HMCN2: variants seen among roughly 807,000 people sequenced by gnomAD.
HMCN2 encodes the protein hemicentin 2.
A neutral mutation model predicts 377.5 loss-of-function variants in HMCN2; 325 were observed. The observed-to-expected ratio is 0.86, with a 90% CI of 0.79 to 0.94. The LOEUF (loss-of-function observed/expected upper bound fraction) is 0.94, where lower values mean the gene tolerates loss of function less well. Among genes scored for constraint, HMCN2 ranks in the 40% least tolerant of loss-of-function variants. HMCN2 has a pLI of 0.00. For synonymous variants in HMCN2, 2,007 were observed against 2,046.8 expected, an observed-to-expected ratio of 0.98 and a Z score of 0.53; for missense variants, 4,543 against 4,725.3, an observed-to-expected ratio of 0.96 and a Z score of 1.13.
At chr9:130,320,087 ACT>A (rs1292589319) in intron 16 of HMCN2, among the ~76,000 whole-genome samples, 7 of 152,320 alleles carry the variant, frequency 4.6e-5, no homozygotes, top group Admixed American at 2.0e-4. Context: ...AAGGGCGGGC[ACT>A]TTGTCAACCC....
In HMCN2 at chr9:130,289,670, C is replaced by A. The variant is rs112297397; in HGVS notation, c.612+3360C>A. ...ACGATGGCTAAATGCCATCCCACCC[C>A]CCCGTGCTTCAATGTGGAGCCCAGG... On this transcript the variant is annotated intron_variant, in intron 4 of 97. Coordinates refer to ENST00000683500, the MANE Select transcript of HMCN2 (RefSeq NM_001291815.2). Among the ~76,000 whole-genome samples the A allele has an allele frequency of 3.9e-3, 595 of 152,284 alleles. 6 individuals carry two copies. Among genetic ancestry groups the A allele is most frequent in the African/African-American group, 0.013 (551 of 41,550 alleles).
rs781842496 is a variant in HMCN2, at chr9:130,310,037, G to A, written c.2326G>A (p.Ala776Thr). Reference sequence around the variant, plus strand: ...TGTCAATGAGTTGGGTGACGCCTCTGCAGAAATCCAGCTGGCGGTTGGACG... The same window carrying A: ...TGTCAATGAGTTGGGTGACGCCTCTACAGAAATCCAGCTGGCGGTTGGACG... ...RAVNELGDAS[A>T]EIQLAVGHAP... The change falls in exon 15 of 98, where the codon GCA becomes ACA. Residue 776 changes from alanine (A) to threonine (T), a missense_variant. By Grantham distance (58) the Ala-to-Thr change is moderately conservative (BLOSUM62 0). Transcript: ENST00000683500. The A allele has an allele frequency of 1.3e-5, 7 of 533,352 alleles. No individual in the cohort carries two copies. The highest frequency in any genetic ancestry group is 5.8e-5 in the Admixed American group (3 of 51,446). The allele number at this position is 533,352 out of a possible 1,614,324, so 33.0% of individuals were successfully genotyped here.
Position 130,383,129 on chromosome 9 carries a change from G to A in HMCN2, c.8733+263G>A, listed in dbSNP as rs528919724. Among the ~76,000 whole-genome samples, 146 of 152,250 alleles carry A rather than the reference G, an allele frequency of 9.6e-4. 1 individual carries two copies. In the Middle Eastern group the frequency reaches 0.014, roughly 14 times the overall value. ...CCAGCACCGCACACAGCAGCCTTCC[G>A]CGGGATCACCAGCTGGCGCGTGCAG... On this transcript the variant is annotated intron_variant, in intron 56 of 97. Transcript: ENST00000683500.
chr9:130,395,874 ACGCAG>A, intron 71 of HMCN2, 45 bp from the exon 72 acceptor site: 1 of 1,247,448 alleles, frequency 8.0e-7, no homozygotes, highest in South Asian at 1.3e-5. Context: ...GGGTGGCCTG[ACGCAG>A]CTGGGCACTG....
intron 4 of HMCN2, among the ~76,000 whole-genome samples, chr9:130,286,616 C>G (rs115065846): frequency 6.6e-6 from 1 of 152,234 alleles, no homozygotes; most frequent in Non-Finnish European, 1.5e-5. Flanking sequence ...TTGGGATGGC[C>G]TGGGTTCAGC....
rs572500281 is a variant in HMCN2, at chr9:130,363,755, AGAG to A, written c.6232+767_6232+769del. On this transcript the variant is annotated intron_variant, in intron 40 of 97. Coordinates refer to ENST00000683500, the MANE Select transcript of HMCN2 (RefSeq NM_001291815.2). ...GGAGAATCACTTGAACCTGGGAGGT[AGAG>A]GTTGCAGTGAGCTGAGATCATGTCA... Among the ~76,000 whole-genome samples the A allele has an allele frequency of 1.0e-4, 15 of 149,870 alleles. No homozygotes were observed. The East Asian group carries it at 3.0e-3, about 30-fold the overall frequency.
chr9:130,356,415 G>GAGAGGCTGGCCGGGCC (rs2131545705), intron 34 of HMCN2, 158 bp downstream of exon 34: 1 of 491,564 alleles, frequency 2.0e-6, no homozygotes, highest in Non-Finnish European at 2.6e-6. Flanking sequence ...ACGCAGGTGT[G>GAGAGGCTGGCCGGGCC]AGAGGCTGGC....
Position 130,433,687 on chromosome 9 carries a change from C to T in HMCN2, c.15234C>T (p.Pro5078=). ...FVLLIAVSPY[P]Y ...TGCTCATCGCCGTGTCCCCCTACCC[C>T]TACTAAACGGGAGAGGGCATTGGCG... is the stretch of plus-strand genomic sequence containing the variant. Residue 5078 remains proline (P), a synonymous_variant, in exon 98 of 98, where the codon CCC becomes CCT. Coordinates refer to ENST00000683500, the MANE Select transcript of HMCN2 (RefSeq NM_001291815.2). 3 of 1,481,804 alleles carry T rather than the reference C, an allele frequency of 2.0e-6. No individual in the cohort carries two copies. The highest frequency in any genetic ancestry group is 2.7e-6 in the Non-Finnish European group (3 of 1,120,180). The allele number at this position is 1,481,804 out of a possible 1,614,324, so 91.8% of individuals were successfully genotyped here.
chr9:130,366,075 AC>A lies in HMCN2; in HGVS notation c.6625+84del. On this transcript the variant is annotated intron_variant, in intron 43 of 97. Coordinates refer to ENST00000683500, the MANE Select transcript of HMCN2 (RefSeq NM_001291815.2). ...TGCCCAGTCCCCACTGGTTACCCCC[AC>A]CCCAGAGCCTAGCTGAGATGGGGGG... 4.2e-6 allele frequency: 4 copies of A among 959,132 alleles called. No homozygotes were observed. The South Asian group carries it at 1.9e-4, about 46-fold the overall frequency. The allele number at this position is 959,132 out of a possible 1,614,324, so 59.4% of individuals were successfully genotyped here.
intron 82 of HMCN2, chr9:130,406,868 C>T (rs1347018745): frequency 6.5e-6 from 1 of 154,086 alleles, no homozygotes; most frequent in African/African-American, 2.4e-5. Flanking sequence ...CAGGCCTGGC[C>T]CGGAGTAGAT....
rs780411138 is a variant in HMCN2, at chr9:130,429,587, A to G, written c.14228A>G (p.Asp4743Gly). The stretch of plus-strand genomic sequence containing the variant: ...GACGAATGCCTGGAGGGGTTGGACG[A>G]CTGTCACTACAACCAGCTCTGCGAG... ...DVDECLEGLD[D>G]CHYNQLCENT... Residue 4743 changes from aspartate (D) to glycine (G), a missense_variant, in exon 94 of 98, where the codon GAC (aspartate) becomes GGC (glycine). Coordinates refer to ENST00000683500, the MANE Select transcript of HMCN2 (RefSeq NM_001291815.2). The G allele has an allele frequency of 6.4e-7, 1 of 1,550,424 alleles. No homozygotes were observed. The highest frequency in any genetic ancestry group is 1.2e-5 in the South Asian group (1 of 84,054).
rs1564803169 is a variant in HMCN2 at position 130,349,140 on chromosome 9, G to T, written c.4303+9G>T. 7.7e-7 allele frequency: 1 copy of T among 1,302,680 alleles called. No homozygotes were observed. The highest frequency in any genetic ancestry group is 1.5e-5 in the African/African-American group (1 of 65,856). The allele number at this position is 1,302,680 out of a possible 1,614,324, so 80.7% of individuals were successfully genotyped here. On this transcript the variant is annotated intron_variant, in intron 28 of 97. Transcript: ENST00000683500. ...CCATCTCCTTGTGCTCAGTGAGTGAGACCTGAGCCCTGTAACTCCCAAGTG... is the reference window on the plus strand; with the variant it reads ...CCATCTCCTTGTGCTCAGTGAGTGATACCTGAGCCCTGTAACTCCCAAGTG...
intron 29 of HMCN2, among the ~76,000 whole-genome samples, chr9:130,350,660 G>C (rs569684588): frequency 6.6e-6 from 1 of 152,066 alleles, no homozygotes; most frequent in East Asian, 1.9e-4. Context: ...GCTGAGGTGG[G>C]CAGATCACGA....
At chr9:130,426,632 C>G (rs1437425417) in intron 90 of HMCN2, among the ~76,000 whole-genome samples, 1 of 152,326 alleles carries the variant, frequency 6.6e-6, no homozygotes, top group African/African-American at 2.4e-5. Context: ...GGCTGGCTGT[C>G]CCTACAATTT....
Position 130,311,844 on chromosome 9 carries a change from A to C in HMCN2, c.2350+1783A>C, listed in dbSNP as rs967543092. Reference sequence around the variant, plus strand: ...GCGGAGGAGTTTGGGCTGTGCCCTGAGGGGGTTGGTGAGAGGTTTTCAGGA... The same window carrying C: ...GCGGAGGAGTTTGGGCTGTGCCCTGCGGGGGTTGGTGAGAGGTTTTCAGGA... On this transcript the variant is annotated intron_variant, in intron 15 of 97. Coordinates refer to ENST00000683500, the MANE Select transcript of HMCN2 (RefSeq NM_001291815.2). Among the ~76,000 whole-genome samples, 44 of 152,124 alleles carry C rather than the reference A, an allele frequency of 2.9e-4. 1 individual carries two copies. The East Asian group carries it at 7.2e-3, about 25-fold the overall frequency.
At chr9:130,271,306 A>G (rs1484495249) in intron 1 of HMCN2, among the ~76,000 whole-genome samples, 1 of 148,846 alleles carries the variant, frequency 6.7e-6, no homozygotes, top group East Asian at 1.9e-4. Flanking sequence ...ACGTTTAAAA[A>G]GCGGGGAGCC....
intron 85 of HMCN2, among the ~76,000 whole-genome samples, chr9:130,412,567 C>CTTTTTTTTTTTTTTTTTTTTTTTTCTTTT (rs55873444): frequency 7.4e-6 from 1 of 134,526 alleles, no homozygotes; most frequent in Admixed American, 7.7e-5. Context: ...CTTTCTTTCT[C>CTTTTTTTTTTTTTTTTTTTTTTTTCTTTT]TTTTTTTTTT....
Position 130,340,232 on chromosome 9 carries a change from C to T in HMCN2, c.3488-879C>T, listed in dbSNP as rs963023698. Among the ~76,000 whole-genome samples the T allele has an allele frequency of 4.7e-3, 720 of 152,348 alleles. 6 individuals are homozygous for T. The highest frequency in any genetic ancestry group is 0.016 in the African/African-American group (656 of 41,582). On this transcript the variant is annotated intron_variant, in intron 23 of 97. Coordinates refer to ENST00000683500, the MANE Select transcript of HMCN2 (RefSeq NM_001291815.2). ...CCAGGGGGAGGGAAGGACGGGGCAG[C>T]GGTGATGCCCAGCTGGAGTGACTGC...
chr9:130,329,344 G>A (rs1296044102), intron 22 of HMCN2, among the ~76,000 whole-genome samples: 1 of 151,910 alleles, frequency 6.6e-6, no homozygotes, highest in Non-Finnish European at 1.5e-5. Context: ...GCCAAATAGT[G>A]TCCCATCCTG....
Sources: allele counts gnomAD v4.1 joint callset (sites outside exome capture counted in the v4.1 genomes callset), GRCh38; gene constraint gnomAD v4.1.1; transcripts MANE v1.5; gene names NCBI Gene and HGNC (gene_info 2026-07-23, HGNC 2026-07-21).